Variants in LRRK1 observed in about 807,000 individuals in gnomAD.
The protein encoded by LRRK1 is leucine rich repeat kinase 1.
A neutral mutation model predicts 209.1 loss-of-function variants in LRRK1; 113 were observed. The ratio of observed to expected loss-of-function variants is 0.54; its 90% CI spans 0.46 to 0.63. LRRK1 has a LOEUF of 0.63. Among genes scored for constraint, LRRK1 ranks in the 30% least tolerant of loss-of-function variants. LRRK1 has a pLI of 0.00. For synonymous variants in LRRK1, 1,144 were observed against 1,099.7 expected (o/e 1.04, Z -0.80); for missense variants, 2,284 against 2,632.2 (o/e 0.87, Z 2.89).
Position 100,919,826 on chromosome 15 carries a change from G to A in LRRK1, c.-123+375G>A, listed in dbSNP as rs77337515. Among the ~76,000 whole-genome samples, 743 of 152,220 alleles carry A rather than the reference G, an allele frequency of 4.9e-3. 1 individual carries two copies. Among genetic ancestry groups the A allele is most frequent in the Admixed American group, 7.6e-3 (117 of 15,296 alleles). ...CACGAGTCGGGAGACACGAGCCGGGGAGCCCATAGGTTTCCTCTGCCTTTG... is the reference window on the plus strand; with the variant it reads ...CACGAGTCGGGAGACACGAGCCGGGAAGCCCATAGGTTTCCTCTGCCTTTG... On this transcript the variant is annotated intron_variant, in intron 1 of 33. Transcript: ENST00000388948. The surrounding 1 kb of genome is among the most constrained non-coding windows in gnomAD (Gnocchi z 5.8).
intron 4 of LRRK1, among the ~76,000 whole-genome samples, chr15:100,984,197 G>T (rs546477006): frequency 6.7e-6 from 1 of 148,958 alleles, no homozygotes; most frequent in East Asian, 1.9e-4. Flanking sequence ...TTAAGATGAC[G>T]AAAACAAAGC....
Position 101,066,754 on chromosome 15 carries a change from G to A in LRRK1, c.5870+13G>A, listed in dbSNP as rs139859967. The A allele has an allele frequency of 3.8e-4, 604 of 1,607,040 alleles. 3 individuals are homozygous for A. The African/African-American group carries it at 6.8e-3, about 18-fold the overall frequency. On this transcript the variant is annotated intron_variant, in intron 33 of 33. Transcript: ENST00000388948. ...TGACTCCGCATGGGTAAGACTGAGT[G>A]GCAGCTCCTTTAGGACCCAGGCAGC...
chr15:100,954,353 CT>C (rs34623256), intron 2 of LRRK1, among the ~76,000 whole-genome samples: 143,777 of 152,236 alleles, frequency 0.94, 67,910 homozygotes, highest in East Asian at 0.99. Flanking sequence ...AGTTATTTAG[CT>C]TTTTTTGCTA....
chr15:100,982,793 C>G (rs80324167), intron 3 of LRRK1, among the ~76,000 whole-genome samples: 4 of 152,346 alleles, frequency 2.6e-5, no homozygotes, highest in African/African-American at 9.6e-5. Flanking sequence ...AGCTCTGGCT[C>G]TATGCCAGAA....
At chr15:100,993,233 TTCC>T (rs2032242644) in intron 6 of LRRK1, among the ~76,000 whole-genome samples, 1 of 152,214 alleles carries the variant, frequency 6.6e-6, no homozygotes, top group Non-Finnish European at 1.5e-5. Flanking sequence ...TATTTATTTC[TTCC>T]TCCTTTTTCT....
intron 20 of LRRK1, among the ~76,000 whole-genome samples, chr15:101,033,214 A>G (rs1005225425): frequency 6.6e-6 from 1 of 152,188 alleles, no homozygotes; most frequent in African/African-American, 2.4e-5. Flanking sequence ...AGAATGTGGA[A>G]TGATCAAGTC....
rs1252931684 is a variant in LRRK1 at position 101,024,188 on chromosome 15, T to C, written c.2068-615T>C. Among the ~76,000 whole-genome samples the C allele has an allele frequency of 1.3e-5, 2 of 152,232 alleles. No homozygotes were observed. The highest frequency in any genetic ancestry group is 4.1e-4 in the South Asian group (2 of 4,836). ...TTTATACAAAACCAGGTCAGCACAC[T>C]GTGTCTTGGAGGCTGATGCTGCCTC... On this transcript the variant is annotated intron_variant, in intron 15 of 33. Coordinates refer to ENST00000388948, the MANE Select transcript of LRRK1 (RefSeq NM_024652.6). The surrounding 1 kb of genome is among the most constrained non-coding windows in gnomAD (Gnocchi z 4.6).
intron 2 of LRRK1, among the ~76,000 whole-genome samples, chr15:100,941,366 G>GTGTGTGTGTGTGTGTGTGTGT (rs2042415011): frequency 1.3e-5 from 1 of 76,768 alleles, no homozygotes; most frequent in Non-Finnish European, 2.6e-5. Context: ...GTGTGTGTGT[G>GTGTGTGTGTGTGTGTGTGTGT]CCTGTATGTG....
intron 6 of LRRK1, among the ~76,000 whole-genome samples, chr15:101,002,439 T>G (rs1422554956): frequency 6.6e-6 from 1 of 152,236 alleles, no homozygotes; most frequent in Non-Finnish European, 1.5e-5. Context: ...GGACTGAAAT[T>G]TAAAGGGCTC....
intron 3 of LRRK1, among the ~76,000 whole-genome samples, chr15:100,978,162 T>G (rs7170140): frequency 0.95 from 144,013 of 152,202 alleles, 68,150 homozygotes; most frequent in East Asian, 1. Context: ...TCAGGGAGAA[T>G]ACAGAACAGT....
intron 20 of LRRK1, among the ~76,000 whole-genome samples, chr15:101,041,278 A>G (rs1394421220): frequency 6.6e-6 from 1 of 152,206 alleles, no homozygotes; most frequent in Non-Finnish European, 1.5e-5. Context: ...CTCTATAAAA[A>G]AGGAATCTCT....
At chr15:100,944,905 C>G (rs2042506650) in intron 2 of LRRK1, among the ~76,000 whole-genome samples, 1 of 152,132 alleles carries the variant, frequency 6.6e-6, no homozygotes, top group Non-Finnish European at 1.5e-5. Flanking sequence ...AGTAAAGAAG[C>G]AAAACAAAGA....
intron 2 of LRRK1, among the ~76,000 whole-genome samples, chr15:100,947,633 G>A (rs559818940): frequency 5.3e-5 from 8 of 152,288 alleles, no homozygotes; most frequent in Admixed American, 3.3e-4. Flanking sequence ...AGATTTTATA[G>A]TTGCTACGTG....
At chr15:100,967,868 A>C (rs575607496) in intron 2 of LRRK1, among the ~76,000 whole-genome samples, 2 of 152,342 alleles carry the variant, frequency 1.3e-5, no homozygotes, top group East Asian at 3.9e-4. Context: ...CATAGTATGG[A>C]CTAAGGTTCA....
chr15:101,013,444 G>A (rs964971421), intron 10 of LRRK1, among the ~76,000 whole-genome samples: 14 of 152,074 alleles, frequency 9.2e-5, no homozygotes, highest in African/African-American at 1.7e-4. Flanking sequence ...AAAGTAAAAC[G>A]TGGGCCAGGC....
intron 21 of LRRK1, among the ~76,000 whole-genome samples, chr15:101,047,264 C>T (rs1019254535): frequency 3.3e-5 from 5 of 152,228 alleles, no homozygotes; most frequent in African/African-American, 1.2e-4. Flanking sequence ...AATGCAAAAG[C>T]CTTAAAGTCC....
chr15:100,997,631 C>T (rs982897703), intron 6 of LRRK1, among the ~76,000 whole-genome samples: 3 of 152,196 alleles, frequency 2.0e-5, no homozygotes, highest in Non-Finnish European at 4.4e-5. Flanking sequence ...ATGAGTAAGA[C>T]ATTTGGCAGA....
chr15:101,045,319 C>T (rs180868091), intron 20 of LRRK1, among the ~76,000 whole-genome samples: 47 of 152,334 alleles, frequency 3.1e-4, no homozygotes, highest in Non-Finnish European at 5.4e-4. Context: ...CCCCGCAGCC[C>T]CACAGGATGC....
chr15:101,061,781 TAGG>T (rs1364503575), intron 30 of LRRK1, among the ~76,000 whole-genome samples: 1 of 152,094 alleles, frequency 6.6e-6, no homozygotes, highest in Non-Finnish European at 1.5e-5. Flanking sequence ...GAGGCCAAGA[TAGG>T]AGGATCACGA....
Sources: allele counts gnomAD v4.1 joint callset (sites outside exome capture counted in the v4.1 genomes callset), GRCh38; gene constraint gnomAD v4.1.1; non-coding constraint Gnocchi (gnomAD v3.1); transcripts MANE v1.5; gene names NCBI Gene and HGNC (gene_info 2026-07-23, HGNC 2026-07-21).